ASPSCR1: variants seen among roughly 807,000 people sequenced by gnomAD.
The protein encoded by ASPSCR1 is ASPSCR1 tether for SLC2A4, UBX domain containing, also known as tether containing UBX domain for GLUT4.
In ASPSCR1, 55 loss-of-function variants were observed where a neutral mutation model predicts 68.9. The observed-to-expected ratio is 0.80, with a 90% CI of 0.64 to 1.00. The LOEUF is 1.00. Ranked by LOEUF, ASPSCR1 falls within the 50% of genes least tolerant of loss-of-function variation. ASPSCR1 has a pLI of 0.00. For missense variants in ASPSCR1, 765 were observed against 762.2 expected (o/e 1.00, Z -0.04); for synonymous variants, 352 against 332.6 (o/e 1.06, Z -0.63).
chr17:82,008,673 C>G (rs912749234), intron 7 of ASPSCR1: 4 of 203,948 alleles, frequency 2.0e-5, no homozygotes, highest in African/African-American at 9.2e-5. Context: ...GGGGTTTTTG[C>G]CGACGCTCTA....
intron 7 of ASPSCR1, among the ~76,000 whole-genome samples, chr17:81,997,127 G>GGCTCCGGGATGAGGCCGTGTGA (rs2042375735): frequency 6.6e-6 from 1 of 151,714 alleles, no homozygotes; most frequent in Non-Finnish European, 1.5e-5. Context: ...AGGCCGTGTG[G>GGCTCCGGGATGAGGCCGTGTGA]GCTCCGGGAT....
chr17:82,003,666 T>C (rs2042610521), intron 7 of ASPSCR1, among the ~76,000 whole-genome samples: 1 of 152,236 alleles, frequency 6.6e-6, no homozygotes, highest in Admixed American at 6.5e-5. Context: ...ATGTAAAATT[T>C]GGGCATGGAG....
At chr17:81,978,872 T>G in intron 1 of ASPSCR1, 1 of 449,622 alleles carries the variant, frequency 2.2e-6, no homozygotes, top group South Asian at 2.4e-5. Context: ...GTTGCAGAAC[T>G]ACAGGGTTTG....
intron 1 of ASPSCR1, among the ~76,000 whole-genome samples, 156 bp from the exon 2 acceptor site, chr17:81,979,028 T>C (rs920706352): frequency 1.3e-5 from 2 of 152,188 alleles, no homozygotes; most frequent in Non-Finnish European, 2.9e-5. Context: ...CCTGCATTTG[T>C]TGCGGGGACC....
chr17:81,987,300 C>A lies in ASPSCR1; in HGVS notation c.374+1693C>A, dbSNP rs999266371. ...CAGGCAGCCCCAGGCGCTGTGTGGG[C>A]ACTGGGTGAGAAGCAGGGATCCCGG... On this transcript the variant is annotated intron_variant, in intron 4 of 15. Coordinates refer to ENST00000306739, the MANE Select transcript of ASPSCR1 (RefSeq NM_024083.4). This position sits in a 1 kb window ranked among gnomAD's most constrained non-coding sequence, Gnocchi z 5.6. Among the ~76,000 whole-genome samples, 6 of 152,212 alleles carry A rather than the reference C, an allele frequency of 3.9e-5. No homozygotes were observed. Among genetic ancestry groups the A allele is most frequent in the Non-Finnish European group, 7.3e-5 (5 of 68,030 alleles).
At chr17:82,012,399 A>G (rs1181664930) in intron 12 of ASPSCR1, 116 bp downstream of exon 12, 2 of 1,288,008 alleles carry the variant, frequency 1.6e-6, no homozygotes, top group African/African-American at 1.5e-5. Flanking sequence ...GCAGGATAAT[A>G]AAGCCTTTGA....
At position 82,015,298 on chromosome 17, in the gene ASPSCR1, C is replaced by T. The variant is rs191333325; in HGVS notation, c.1354-1178C>T. ...CCCTCCTCTCCACCATCCCCTCGTC[C>T]GAGCAGTGGCGATCCCTCCCGAGTC... On this transcript the variant is annotated intron_variant, in intron 12 of 15. Transcript: ENST00000306739. 1.6e-4 allele frequency: 248 copies of T among 1,598,182 alleles called. No individual in the cohort carries two copies. In the African/African-American group the frequency reaches 2.6e-3, roughly 17 times the overall value.
intron 5 of ASPSCR1, 111 bp from the exon 6 acceptor site, chr17:81,995,881 G>A: frequency 9.8e-7 from 1 of 1,016,552 alleles, no homozygotes; most frequent in East Asian, 2.6e-5. Flanking sequence ...TAGGATGGAG[G>A]CCAGAGAGGG....
Position 81,996,082 on chromosome 17 carries a change from T to C in ASPSCR1, c.506+17T>C, listed in dbSNP as rs1305242268. On this transcript the variant is annotated intron_variant, in intron 6 of 15. Coordinates refer to ENST00000306739, the MANE Select transcript of ASPSCR1 (RefSeq NM_024083.4). Reference sequence around the variant, plus strand: ...CACCATCAGGTAAGGGCAGTGCTGCTGGGGCCGAGGAGTCTATTTAGCTAA... The same window carrying C: ...CACCATCAGGTAAGGGCAGTGCTGCCGGGGCCGAGGAGTCTATTTAGCTAA... 6.3e-7 allele frequency: 1 copy of C among 1,592,068 alleles called. No individual in the cohort carries two copies. Among genetic ancestry groups the C allele is most frequent in the South Asian group, 1.1e-5 (1 of 88,414 alleles).
intron 2 of ASPSCR1, chr17:81,982,777 T>A (rs2041836968): frequency 6.6e-6 from 1 of 152,038 alleles, no homozygotes; most frequent in African/African-American, 2.4e-5. Flanking sequence ...TCTCTTTTTC[T>A]TTTTCTTCCT....
rs112054193 is a variant in ASPSCR1 at position 82,016,516 on chromosome 17, A to T, written c.1394A>T (p.Glu465Val). 3 of 1,548,904 alleles carry T rather than the reference A, an allele frequency of 1.9e-6. No homozygotes were observed. Among genetic ancestry groups the T allele is most frequent in the African/African-American group, 2.7e-5 (2 of 73,062 alleles). The stretch of plus-strand genomic sequence containing the variant: ...GCCGCTCTGGTGCACTTGGGAGCCG[A>T]GGAGCCGGCAGGTGAGTGTCAGTGG... ...FPAALVHLGA[E>V]EPAGVYLEPG... Residue 465 changes from glutamate (E) to valine (V), a missense_variant, in exon 13 of 16, where the codon GAG (glutamate) becomes GTG (valine). By Grantham distance (121) the Glu-to-Val change is moderately radical. Transcript: ENST00000306739.
intron 12 of ASPSCR1, chr17:82,015,427 G>A: frequency 6.6e-7 from 1 of 1,503,962 alleles, no homozygotes; most frequent in Non-Finnish European, 8.9e-7. Context: ...AGGCCTGGCT[G>A]CCAAGCCTAC....
Position 82,017,302 on chromosome 17 carries a change from A to C in ASPSCR1, c.1649-7A>C. 1 of 1,611,408 alleles carries C rather than the reference A, an allele frequency of 6.2e-7. No individual in the cohort carries two copies. ...TGTGTGGTCACCCTGATGTGTCTGCACTACAGCCAGCAAGAGGTGAGAGCT... is the reference window on the plus strand; with the variant it reads ...TGTGTGGTCACCCTGATGTGTCTGCCCTACAGCCAGCAAGAGGTGAGAGCT... On this transcript the variant is annotated splice_region_variant and splice_polypyrimidine_tract_variant and intron_variant, in intron 15 of 15. Coordinates refer to ENST00000306739, the MANE Select transcript of ASPSCR1 (RefSeq NM_024083.4).
chr17:82,001,037 G>A (rs550039661), intron 7 of ASPSCR1, among the ~76,000 whole-genome samples: 42 of 152,356 alleles, frequency 2.8e-4, no homozygotes, highest in Non-Finnish European at 4.4e-4. Context: ...TCCTGGAGCC[G>A]GGGCCTGGGG....
At chr17:82,016,305 A>G in intron 12 of ASPSCR1, 171 bp from the exon 13 acceptor site, 1 of 625,282 alleles carries the variant, frequency 1.6e-6, no homozygotes, top group Non-Finnish European at 2.8e-6. Flanking sequence ...CCTTGCTTAC[A>G]GGGGTAGGGC....
chr17:81,992,480 C>T (rs997976812), intron 4 of ASPSCR1, among the ~76,000 whole-genome samples: 3 of 152,234 alleles, frequency 2.0e-5, no homozygotes, highest in South Asian at 2.1e-4. Context: ...CCCAAGCTGG[C>T]GGTCAGTGCC....
In ASPSCR1 at chr17:81,999,081, C is replaced by A. The variant is rs953201592; in HGVS notation, c.933+2235C>A. Among the ~76,000 whole-genome samples the A allele has an allele frequency of 5.9e-5, 9 of 152,264 alleles. No homozygotes were observed. The highest frequency in any genetic ancestry group is 2.2e-4 in the African/African-American group (9 of 41,472). On this transcript the variant is annotated intron_variant, in intron 7 of 15. Transcript: ENST00000306739. The surrounding 1 kb of genome is among the most constrained non-coding windows in gnomAD (Gnocchi z 4.4). ...TGCTGAAACCTGACTTCCTCAGCTT[C>A]CTCACCTGCAGAACTAAGGTGTTCG...
At chr17:82,000,879 C>T (rs1423966369) in intron 7 of ASPSCR1, among the ~76,000 whole-genome samples, 1 of 152,114 alleles carries the variant, frequency 6.6e-6, no homozygotes, top group East Asian at 1.9e-4. Flanking sequence ...CTGTGCTGGG[C>T]TGGGACGCCA....
At position 81,983,372 on chromosome 17, in the gene ASPSCR1, A is replaced by T. The variant is rs1259478851; in HGVS notation, c.159-182A>T. Among the ~76,000 whole-genome samples the T allele has an allele frequency of 6.6e-6, 1 of 151,336 alleles. No individual in the cohort carries two copies. The highest frequency in any genetic ancestry group is 1.5e-5 in the Non-Finnish European group (1 of 67,866). On this transcript the variant is annotated intron_variant, in intron 2 of 15. Coordinates refer to ENST00000306739, the MANE Select transcript of ASPSCR1 (RefSeq NM_024083.4). The surrounding 1 kb of genome is among the most constrained non-coding windows in gnomAD (Gnocchi z 4.4). Reference sequence around the variant, plus strand: ...TTCTGCTTGCAGGAGGCCCCATATGATCGGGGACCCGCCTTGTGCCTCTGC... The same window carrying T: ...TTCTGCTTGCAGGAGGCCCCATATGTTCGGGGACCCGCCTTGTGCCTCTGC...
Sources: gnomAD v4.1 joint callset for allele counts (sites outside exome capture counted in the v4.1 genomes callset) on GRCh38, gnomAD v4.1.1 for gene constraint, Gnocchi (gnomAD v3.1) non-coding constraint, MANE v1.5 for transcripts, NCBI Gene and HGNC (gene_info 2026-07-23, HGNC 2026-07-21) for gene names.